HOXA10: variants seen among roughly 807,000 people sequenced by gnomAD.
The protein encoded by HOXA10 is homeobox A10, also known as homeobox protein Hox-A10.
HOXA10 carries 12 observed loss-of-function variants against 29.7 expected under a neutral mutation model. The ratio of observed to expected loss-of-function variants is 0.40; its 90% CI spans 0.26 to 0.65. HOXA10 has a LOEUF of 0.65. Among genes scored for constraint, HOXA10 ranks in the 30% least tolerant of loss-of-function variants. The pLI, the probability that HOXA10 is intolerant of heterozygous loss-of-function variation, is 0.37. For missense variants in HOXA10, 656 were observed against 585.9 expected (o/e 1.12, Z -1.24); for synonymous variants, 327 against 280.7 (o/e 1.16, Z -1.65).
chr7:27,173,244 C>T, intron 1 of HOXA10, 105 bp downstream of exon 1: 2 of 1,546,922 alleles, frequency 1.3e-6, no homozygotes, highest in Non-Finnish European at 1.7e-6. Flanking sequence ...GCAGCTTGGG[C>T]CAAGGCCGGC....
At chr7:27,174,675 C>CG, upstream of HOXA10, 1 of 289,592 alleles carries the variant, frequency 3.5e-6, no homozygotes, top group South Asian at 3.9e-5. Context: ...GTTTATGGTG[C>CG]GCGCCCAGTC....
chr7:27,179,798 C>G (rs1423418687), exon 1 of HOXA10: 1 of 704,968 alleles, frequency 1.4e-6, no homozygotes, highest in South Asian at 1.5e-5. Context: ...GGGAGCGGGA[C>G]AAGTGAAATA....
At chr7:27,177,038 T>C (rs2115455832), upstream of HOXA10, among the ~76,000 whole-genome samples, 1 of 152,326 alleles carries the variant, frequency 6.6e-6, no homozygotes, top group African/African-American at 2.4e-5. Flanking sequence ...AGCAGACAGC[T>C]CAGGTCAGGG....
chr7:27,178,344 T>A (rs547163406), upstream of HOXA10, among the ~76,000 whole-genome samples: 22 of 152,388 alleles, frequency 1.4e-4, no homozygotes, highest in African/African-American at 4.8e-4. Context: ...TCTTTAAGAA[T>A]GTCAACATTT....
At position 27,172,076 on chromosome 7, in the gene HOXA10, C is replaced by T; in HGVS notation, c.1056G>A (p.Glu352=). The stretch of plus-strand genomic sequence containing the variant: ...GGTACATATTGAACAGAAACTCCTT[C>T]TCCAGCTCCAGTGTCTGGTGCTTCG... ...PYTKHQTLEL[E]KEFLFNMYLT... Residue 352 remains glutamate (E), a synonymous_variant, in exon 2 of 2, where the codon GAG becomes GAA. Coordinates refer to ENST00000283921, the MANE Select transcript of HOXA10 (RefSeq NM_018951.4). 2 of 1,614,202 alleles carry T rather than the reference C, an allele frequency of 1.2e-6. No homozygotes were observed. Among genetic ancestry groups the T allele is most frequent in the South Asian group, 2.2e-5 (2 of 91,086 alleles).
chr7:27,178,313 A>G (rs1402411089), upstream of HOXA10, among the ~76,000 whole-genome samples: 3 of 152,236 alleles, frequency 2.0e-5, no homozygotes, highest in African/African-American at 7.2e-5. Context: ...TCCACAAGCA[A>G]TGATGTTCTT....
In HOXA10 at chr7:27,174,209, G is replaced by A; in HGVS notation, c.98C>T (p.Ser33Leu). The A allele has an allele frequency of 1.9e-6, 3 of 1,601,290 alleles. No homozygotes were observed. The highest frequency in any genetic ancestry group is 2.5e-6 in the Non-Finnish European group (3 of 1,179,806). The change falls in exon 1 of 2, where the codon TCG (serine) becomes TTG (leucine). Residue 33 changes from serine to leucine, a missense_variant. Ser to Leu is a moderately radical substitution (Grantham distance 145). Around this residue, in one of 2 missense-constraint regions of HOXA10, gnomAD observed 594 missense variants for 491.9 expected, o/e 1.21. Coordinates refer to ENST00000283921, the MANE Select transcript of HOXA10 (RefSeq NM_018951.4). The part of the protein sequence containing the change: ...SPAANSFLVD[S>L]LISSGRGEAG... Reference sequence around the variant, plus strand: ...CTCGCCTCTGCCCGAGCTGATGAGCGAGTCGACCAAAAAAGAGTTCGCGGC... The same window carrying A: ...CTCGCCTCTGCCCGAGCTGATGAGCAAGTCGACCAAAAAAGAGTTCGCGGC...
Position 27,173,413 on chromosome 7 carries a change from G to C in HOXA10, c.894C>G (p.Ala298=), listed in dbSNP as rs369532921. The part of the protein sequence containing the change: ...GDEEAHASSS[A]AEELSPAPSE... Reference sequence around the variant, plus strand: ...AAGGGGCCGGGGAGAGCTCCTCCGCGGCCGAGGACGACGCGTGCGCCTCCT... The same window carrying C: ...AAGGGGCCGGGGAGAGCTCCTCCGCCGCCGAGGACGACGCGTGCGCCTCCT... Residue 298 remains alanine (A), a synonymous_variant, in exon 1 of 2, where the codon GCC becomes GCG. Coordinates refer to ENST00000283921, the MANE Select transcript of HOXA10 (RefSeq NM_018951.4). The C allele has an allele frequency of 1.9e-6, 3 of 1,609,232 alleles. No individual in the cohort carries two copies. The highest frequency in any genetic ancestry group is 1.7e-5 in the Admixed American group (1 of 59,898).
intron 1 of HOXA10, chr7:27,179,601 C>A (rs757446887): frequency 1.0e-5 from 8 of 770,446 alleles, no homozygotes; most frequent in South Asian, 8.3e-5. Flanking sequence ...CACCTCCCCA[C>A]TCCCGCCCCA....
rs2115450359 is a variant in HOXA10 at position 27,172,185 on chromosome 7, G to T, written c.959-12C>A. The stretch of plus-strand genomic sequence containing the variant: ...ACCTTTGGAATTGCCTGGCATGTAA[G>T]AGAATAAAGAGGGGATGATTAAGTC... On this transcript the variant is annotated splice_polypyrimidine_tract_variant and intron_variant, in intron 1 of 1. Transcript: ENST00000283921. 6.2e-7 allele frequency: 1 copy of T among 1,613,428 alleles called. No homozygotes were observed. Among genetic ancestry groups the T allele is most frequent in the African/African-American group, 1.3e-5 (1 of 75,044 alleles).
rs1783573853 is a variant in HOXA10 at position 27,173,652 on chromosome 7, C to A, written c.655G>T (p.Ala219Ser). The change falls in exon 1 of 2, where the codon GCC becomes TCC. Residue 219 changes from alanine to serine, a missense_variant. Ala to Ser is a moderately conservative substitution (Grantham distance 99). Around this residue, in one of 2 missense-constraint regions of HOXA10, gnomAD observed 594 missense variants for 491.9 expected, o/e 1.21. Transcript: ENST00000283921. ...CCATAGCCCTTGGCGGTGCCGTAGG[C>A]CTGAGAAAGGCGGAAGTAGCCAGGC... is the stretch of plus-strand genomic sequence containing the variant. ...PVPGYFRLSQ[A>S]YGTAKGYGSG... The A allele has an allele frequency of 6.5e-7, 1 of 1,547,726 alleles. No individual in the cohort carries two copies. The highest frequency in any genetic ancestry group is 8.7e-7 in the Non-Finnish European group (1 of 1,145,942).
Position 27,170,962 on chromosome 7 carries a change from C to A in HOXA10, c.*937G>T, listed in dbSNP as rs77547662. 111 of 431,930 alleles carry A rather than the reference C, an allele frequency of 2.6e-4. No homozygotes were observed. The highest frequency in any genetic ancestry group is 7.3e-4 in the Admixed American group (29 of 39,786). 26.8% of individuals were successfully genotyped at this position (431,930 alleles called of 1,614,324 possible). A position where few individuals can be genotyped will look rare whatever the true frequency, so the allele number is the denominator to read the frequency against. On this transcript the variant is annotated 3_prime_UTR_variant, in exon 2 of 2. Coordinates refer to ENST00000283921, the MANE Select transcript of HOXA10 (RefSeq NM_018951.4). Reference sequence around the variant, plus strand: ...GTGAATTTCAGAAAGCAAAAACAAACAAAAAAAAAACTTTTTGTTCAAGGC... The same window carrying A: ...GTGAATTTCAGAAAGCAAAAACAAAAAAAAAAAAAACTTTTTGTTCAAGGC...
At position 27,174,090 on chromosome 7, in the gene HOXA10, A is replaced by C; in HGVS notation, c.217T>G (p.Tyr73Asp). 6.4e-7 allele frequency: 1 copy of C among 1,567,440 alleles called. No individual in the cohort carries two copies. The highest frequency in any genetic ancestry group is 8.6e-7 in the Non-Finnish European group (1 of 1,163,402). Residue 73 changes from tyrosine (Y) to aspartate (D), a missense_variant, in exon 1 of 2, where the codon TAC (tyrosine) becomes GAC (aspartate). Transcript: ENST00000283921. ...VYLPPAADLP[Y>D]GLQSCGLFPT... Reference sequence around the variant, plus strand: ...AAGAGCCCGCAGCTCTGCAGCCCGTAGGGCAGGTCGGCGGCGGGCGGCAGG... The same window carrying C: ...AAGAGCCCGCAGCTCTGCAGCCCGTCGGGCAGGTCGGCGGCGGGCGGCAGG...
chr7:27,176,983 G>T (rs1562512532), upstream of HOXA10, among the ~76,000 whole-genome samples: 1 of 152,208 alleles, frequency 6.6e-6, no homozygotes, highest in Non-Finnish European at 1.5e-5. Flanking sequence ...CCTGGGACTT[G>T]GGGGCCCTGC....
chr7:27,177,692 G>A (rs980723751), upstream of HOXA10, among the ~76,000 whole-genome samples: 11 of 152,142 alleles, frequency 7.2e-5, no homozygotes, highest in African/African-American at 2.7e-4. Flanking sequence ...GATGAAGAAA[G>A]CGATTCAGTT....
Position 27,171,778 on chromosome 7 carries a change from G to T in HOXA10, c.*121C>A, listed in dbSNP as rs1259050236. 2.0e-6 allele frequency: 2 copies of T among 987,156 alleles called. No individual in the cohort carries two copies. The highest frequency in any genetic ancestry group is 3.3e-6 in the Non-Finnish European group (2 of 609,920). 61.1% of individuals were successfully genotyped at this position (987,156 alleles called of 1,614,324 possible). ...GCACAGATGTAACGGCCCAGGAGAT[G>T]GCGAGTGTGGGAGGGAGGAACAGGG... On this transcript the variant is annotated 3_prime_UTR_variant, in exon 2 of 2. Coordinates refer to ENST00000283921, the MANE Select transcript of HOXA10 (RefSeq NM_018951.4).
chr7:27,173,257 G>A (rs1378165221), intron 1 of HOXA10, 92 bp downstream of exon 1: 2 of 1,571,698 alleles, frequency 1.3e-6, no homozygotes, highest in East Asian at 4.6e-5. Flanking sequence ...AGGCCGGCCG[G>A]CTGCTGCGCG....
chr7:27,173,551 G>C lies in HOXA10; in HGVS notation c.756C>G (p.Leu252=). 1 of 1,456,780 alleles carries C rather than the reference G, an allele frequency of 6.9e-7. No individual in the cohort carries two copies. Among genetic ancestry groups the C allele is most frequent in the Non-Finnish European group, 9.0e-7 (1 of 1,113,202 alleles). 90.2% of individuals were successfully genotyped at this position (1,456,780 alleles called of 1,614,324 possible). Residue 252 remains leucine, a synonymous_variant, in exon 1 of 2, where the codon CTC becomes CTG. Transcript: ENST00000283921. The part of the protein sequence containing the change: ...PAQPPGRGFD[L]PPALASGSAD... Reference sequence around the variant, plus strand: ...CCGAGCCGGAGGCTAGCGCGGGCGGGAGATCGAAACCGCGCCCCGGGGGCT... The same window carrying C: ...CCGAGCCGGAGGCTAGCGCGGGCGGCAGATCGAAACCGCGCCCCGGGGGCT...
At chr7:27,174,689 CTTGGGT>C, upstream of HOXA10, 1 of 259,868 alleles carries the variant, frequency 3.8e-6, no homozygotes. Flanking sequence ...CCCAGTCTGC[CTTGGGT>C]GCTCACCATC....
Sources: allele counts gnomAD v4.1 joint callset (sites outside exome capture counted in the v4.1 genomes callset), GRCh38; gene constraint gnomAD v4.1.1; regional missense constraint gnomAD v4.1.1; transcripts MANE v1.5; gene names NCBI Gene and HGNC (gene_info 2026-07-23, HGNC 2026-07-21).